Variants in TAS2R1 observed in about 807,000 individuals in gnomAD.
TAS2R1 encodes taste 2 receptor member 1.
For missense variants in TAS2R1, 370 were observed against 353.4 expected, an observed-to-expected ratio of 1.05 and a Z score of -0.38; for synonymous variants, 141 against 134.2, an observed-to-expected ratio of 1.05 and a Z score of -0.35.
At chr5:9,780,454 A>G in the TAS2R1 span, among the ~76,000 whole-genome samples, 1 of 152,128 alleles carries the variant, frequency 6.6e-6, no homozygotes, top group Non-Finnish European at 1.5e-5. Context: ...GGGACCCCCT[A>G]CCCACTAATG....
chr5:9,725,212 C>A, the TAS2R1 span, among the ~76,000 whole-genome samples: 1 of 152,218 alleles, frequency 6.6e-6, no homozygotes, highest in Non-Finnish European at 1.5e-5. Flanking sequence ...ACTGTGGCGG[C>A]ACTTGAGCCC....
the TAS2R1 span, among the ~76,000 whole-genome samples, chr5:9,838,841 C>T: frequency 6.6e-6 from 1 of 152,202 alleles, no homozygotes; most frequent in Non-Finnish European, 1.5e-5. Flanking sequence ...ACATTTGGAA[C>T]ACTGACCTCC....
At chr5:9,851,129 G>C in the TAS2R1 span, among the ~76,000 whole-genome samples, 1 of 152,180 alleles carries the variant, frequency 6.6e-6, no homozygotes, top group African/African-American at 2.4e-5. Flanking sequence ...TCAGGGACTA[G>C]TATGCCTCCA....
At chr5:9,750,945 T>TAC in the TAS2R1 span, among the ~76,000 whole-genome samples, 1 of 151,874 alleles carries the variant, frequency 6.6e-6, no homozygotes, top group East Asian at 1.9e-4. Context: ...AGAGATACCA[T>TAC]GTTATACTTC....
intron 1 of TAS2R1, among the ~76,000 whole-genome samples, chr5:9,697,999 A>G (rs1187521859): frequency 6.6e-6 from 1 of 152,174 alleles, no homozygotes; most frequent in Non-Finnish European, 1.5e-5. Context: ...AGCATTAGGA[A>G]GAAAATTCAA....
intron 2 of TAS2R1, among the ~76,000 whole-genome samples, chr5:9,647,254 G>A (rs922852042): frequency 6.6e-6 from 1 of 152,188 alleles, no homozygotes; most frequent in African/African-American, 2.4e-5. Context: ...ATAAGACCCT[G>A]TACCTTGACC....
chr5:9,629,882 G>C lies in TAS2R1; in HGVS notation c.151C>G (p.Leu51Val), dbSNP rs767878843. The change falls in exon 1 of 1, where the codon CTG becomes GTG. Residue 51 changes from leucine (L) to valine (V), a missense_variant. Physicochemically the swap from Leu to Val is conservative, Grantham distance 32. Coordinates refer to ENST00000382492, the MANE Select transcript of TAS2R1 (RefSeq NM_019599.3). ...TGCAGAAAAATTCTAGAAACTGCCA[G>C]ACAAGAAAGAAGGAGATCCAGCGGA... is the stretch of plus-strand genomic sequence containing the variant. ...MAPLDLLLSC[L>V]AVSRIFLQLF... 16 of 1,613,992 alleles carry C rather than the reference G, an allele frequency of 9.9e-6. No individual in the cohort carries two copies. In the South Asian group the frequency reaches 1.5e-4, roughly 16 times the overall value.
chr5:9,636,439 A>G (rs967995680), intron 2 of TAS2R1, among the ~76,000 whole-genome samples: 3 of 152,114 alleles, frequency 2.0e-5, no homozygotes, highest in African/African-American at 4.8e-5. Context: ...TGTTCTGTAA[A>G]TATCTATTAA....
At chr5:9,865,718 T>C in the TAS2R1 span, among the ~76,000 whole-genome samples, 1 of 152,254 alleles carries the variant, frequency 6.6e-6, no homozygotes, top group South Asian at 2.1e-4. Flanking sequence ...TTAACGAGAT[T>C]ATTCAATTGT....
chr5:9,793,925 C>T, the TAS2R1 span, among the ~76,000 whole-genome samples: 3 of 152,080 alleles, frequency 2.0e-5, no homozygotes, highest in South Asian at 6.2e-4. Flanking sequence ...AAAGTTGGCC[C>T]TTCCTGAAGG....
At chr5:9,879,716 A>G in the TAS2R1 span, among the ~76,000 whole-genome samples, 1 of 152,218 alleles carries the variant, frequency 6.6e-6, no homozygotes, top group Non-Finnish European at 1.5e-5. Context: ...TGTGATGATT[A>G]TATGCAAACT....
At chr5:9,731,996 T>C in the TAS2R1 span, among the ~76,000 whole-genome samples, 4 of 152,214 alleles carry the variant, frequency 2.6e-5, no homozygotes, top group African/African-American at 7.2e-5. Flanking sequence ...TGTTTTTATT[T>C]TATTGCAAGA....
chr5:9,688,759 G>C (rs542326543), intron 1 of TAS2R1, among the ~76,000 whole-genome samples: 9 of 152,132 alleles, frequency 5.9e-5, no homozygotes, highest in Non-Finnish European at 1.2e-4. Context: ...TTCCAGAGCT[G>C]CCAGCTTTAT....
the TAS2R1 span, among the ~76,000 whole-genome samples, chr5:9,899,201 G>A: frequency 6.6e-6 from 1 of 152,140 alleles, no homozygotes; most frequent in Non-Finnish European, 1.5e-5. Flanking sequence ...CAGGATGTAT[G>A]ACCACCAGAG....
the TAS2R1 span, among the ~76,000 whole-genome samples, chr5:9,799,968 G>A: frequency 6.6e-6 from 1 of 152,168 alleles, no homozygotes; most frequent in African/African-American, 2.4e-5. Flanking sequence ...TGCTCTATAG[G>A]AAACAACTAA....
intron 1 of TAS2R1, chr5:9,660,089 G>T (rs1377581052): frequency 7.3e-6 from 1 of 136,490 alleles, no homozygotes; most frequent in Non-Finnish European, 1.5e-5. Context: ...GACAGCGTCT[G>T]GCTCTGTTGC....
At chr5:9,797,991 G>A in the TAS2R1 span, among the ~76,000 whole-genome samples, 1 of 152,108 alleles carries the variant, frequency 6.6e-6, no homozygotes, top group Non-Finnish European at 1.5e-5. Context: ...GGAAACAATC[G>A]GGATACCCAT....
chr5:9,756,220 T>A, the TAS2R1 span, among the ~76,000 whole-genome samples: 1 of 152,210 alleles, frequency 6.6e-6, no homozygotes, highest in Non-Finnish European at 1.5e-5. Context: ...AAAGCCTAAA[T>A]TGCTGGCCTG....
intron 1 of TAS2R1, among the ~76,000 whole-genome samples, chr5:9,700,782 T>C (rs1741463529): frequency 6.6e-6 from 1 of 152,152 alleles, no homozygotes; most frequent in South Asian, 2.1e-4. Context: ...TCTGTCTTCA[T>C]GTGGCTTCTT....
Sources: allele counts gnomAD v4.1 joint callset (sites outside exome capture counted in the v4.1 genomes callset), GRCh38; gene constraint gnomAD v4.1.1; transcripts MANE v1.5; gene names NCBI Gene and HGNC (gene_info 2026-07-23, HGNC 2026-07-21).